PTPRD: variants seen among roughly 807,000 people sequenced by gnomAD.
PTPRD encodes the protein protein tyrosine phosphatase receptor type D, also known as receptor-type tyrosine-protein phosphatase delta.
In PTPRD, 34 loss-of-function variants were observed where a neutral mutation model predicts 214.5. The ratio of observed to expected loss-of-function variants is 0.16; its 90% CI spans 0.12 to 0.21. The LOEUF is 0.21. Among genes scored for constraint, PTPRD ranks in the 10% least tolerant of loss-of-function variants. The pLI, the probability that PTPRD is intolerant of heterozygous loss-of-function variation, is 1.00. For synonymous variants in PTPRD, 1,128 were observed against 845.7 expected (o/e 1.33, Z -5.79); for missense variants, 2,545 against 2,398.7 (o/e 1.06, Z -1.27).
intron 14 of PTPRD, among the ~76,000 whole-genome samples, chr9:8,580,364 T>C (rs964267501): frequency 3.9e-5 from 6 of 152,128 alleles, no homozygotes; most frequent in African/African-American, 7.2e-5. Flanking sequence ...CCTGAAGTAA[T>C]AGACCTAAAA....
chr9:10,090,419 C>G lies in PTPRD; in HGVS notation c.-544-56629G>C, dbSNP rs115701448. 1.8e-3 allele frequency among the ~76,000 whole-genome samples: 275 copies of G among 151,368 alleles called. 4 individuals carry two copies. Among genetic ancestry groups the G allele is most frequent in the African/African-American group, 6.5e-3 (267 of 41,372 alleles). On this transcript the variant is annotated intron_variant, in intron 3 of 45. Transcript: ENST00000381196. ...CTGCAGTGAGGGACGTATATTGATTCATGGCAATTCTTAAAGGGCAAAATC... is the reference window on the plus strand; with the variant it reads ...CTGCAGTGAGGGACGTATATTGATTGATGGCAATTCTTAAAGGGCAAAATC...
intron 5 of PTPRD, among the ~76,000 whole-genome samples, chr9:9,790,126 G>C (rs139979826): frequency 8.2e-4 from 125 of 152,210 alleles, no homozygotes; most frequent in Middle Eastern, 3.4e-3. Context: ...TGGGAATCTA[G>C]ACTGTACTAT....
At position 8,465,672 on chromosome 9, in the gene PTPRD, G is replaced by A. The variant is rs2096530918; in HGVS notation, c.3508C>T (p.Leu1170Phe). The A allele has an allele frequency of 1.9e-6, 3 of 1,600,792 alleles. No individual in the cohort carries two copies. Among genetic ancestry groups the A allele is most frequent in the African/African-American group, 1.3e-5 (1 of 74,180 alleles). ...SPDEMELDEL[L>F]KEISRKRRSI... ...CTGCGCTTCCTAGATATCTCCTTAAGCAGCTTAAGGAAAAAAGTGGGAAAC... is the reference window on the plus strand; with the variant it reads ...CTGCGCTTCCTAGATATCTCCTTAAACAGCTTAAGGAAAAAAGTGGGAAAC... Residue 1170 changes from leucine (L) to phenylalanine (F), a missense_variant, in exon 32 of 46, where the codon CTT becomes TTT. Leu to Phe is a conservative substitution (Grantham distance 22). Transcript: ENST00000381196.
intron 7 of PTPRD, among the ~76,000 whole-genome samples, chr9:9,576,251 T>G (rs557960679): frequency 5.3e-5 from 8 of 152,286 alleles, no homozygotes; most frequent in African/African-American, 1.9e-4. Flanking sequence ...GGAAGGATGA[T>G]CATATGTGAA....
intron 8 of PTPRD, among the ~76,000 whole-genome samples, chr9:9,468,547 G>C (rs2094377396): frequency 6.6e-6 from 1 of 151,820 alleles, no homozygotes; most frequent in Non-Finnish European, 1.5e-5. Flanking sequence ...CTAACTTCTT[G>C]ATTAGGACAT....
chr9:9,956,101 T>C (rs1361817046), intron 4 of PTPRD, among the ~76,000 whole-genome samples: 2 of 152,174 alleles, frequency 1.3e-5, no homozygotes, highest in African/African-American at 4.8e-5. Context: ...TTTGCTCATA[T>C]TTTAGAAATG....
chr9:9,689,108 C>G (rs2097216794), intron 7 of PTPRD, among the ~76,000 whole-genome samples: 1 of 151,696 alleles, frequency 6.6e-6, no homozygotes, highest in African/African-American at 2.4e-5. Context: ...TGTTTTTATC[C>G]TTTTCTGTTT....
At position 9,387,358 on chromosome 9, in the gene PTPRD, A is replaced by AT. The variant is rs539894269; in HGVS notation, c.-203+10090dup. The stretch of plus-strand genomic sequence containing the variant: ...AGAGTGTCTCATTTTGGTGAATGTT[A>AT]TTTTTTTTCTTTAGATTTTAATTAA... On this transcript the variant is annotated intron_variant, in intron 9 of 45. Transcript: ENST00000381196. Among the ~76,000 whole-genome samples the AT allele has an allele frequency of 2.0e-4, 30 of 151,938 alleles. 1 individual carries two copies. The highest frequency in any genetic ancestry group is 1.8e-3 in the Admixed American group (27 of 15,246).
chr9:9,455,014 A>G (rs2092787587), intron 8 of PTPRD, among the ~76,000 whole-genome samples: 2 of 151,796 alleles, frequency 1.3e-5, no homozygotes, highest in South Asian at 4.1e-4. Flanking sequence ...AAGAAAAAAC[A>G]ACCCAAGTAT....
intron 10 of PTPRD, among the ~76,000 whole-genome samples, chr9:9,092,894 AT>A (rs1308240524): frequency 1.3e-5 from 2 of 152,068 alleles, no homozygotes; most frequent in Non-Finnish European, 2.9e-5. Flanking sequence ...AAATTTTCAG[AT>A]TTTACTTAAA....
chr9:10,270,577 C>G (rs1226245022), intron 3 of PTPRD, among the ~76,000 whole-genome samples: 1 of 152,128 alleles, frequency 6.6e-6, no homozygotes, highest in Non-Finnish European at 1.5e-5. Flanking sequence ...AAATAAAAAC[C>G]TGACTTCCAT....
chr9:9,983,004 T>C (rs564705044), intron 4 of PTPRD, among the ~76,000 whole-genome samples: 7 of 152,050 alleles, frequency 4.6e-5, no homozygotes, highest in Non-Finnish European at 7.4e-5. Flanking sequence ...CAATGGAATA[T>C]TCTATATTTT....
chr9:10,025,878 C>A (rs1195035836), intron 4 of PTPRD, among the ~76,000 whole-genome samples: 1 of 152,136 alleles, frequency 6.6e-6, no homozygotes, highest in Non-Finnish European at 1.5e-5. Flanking sequence ...ACATTTCAAC[C>A]TCACCACTTG....
intron 5 of PTPRD, among the ~76,000 whole-genome samples, chr9:9,927,763 G>A (rs1334963796): frequency 6.6e-6 from 1 of 151,872 alleles, no homozygotes; most frequent in African/African-American, 2.4e-5. Context: ...TTGAAATATT[G>A]CCTCTTTCTT....
intron 11 of PTPRD, among the ~76,000 whole-genome samples, chr9:9,012,493 T>C (rs563573390): frequency 8.3e-4 from 126 of 152,202 alleles, no homozygotes; most frequent in African/African-American, 2.9e-3. Flanking sequence ...AATCCATGCA[T>C]GAAAGGGAGT....
At chr9:9,848,152 C>G (rs1326986367) in intron 5 of PTPRD, among the ~76,000 whole-genome samples, 3 of 152,120 alleles carry the variant, frequency 2.0e-5, no homozygotes, top group Non-Finnish European at 2.9e-5. Flanking sequence ...TTTCTATTTT[C>G]TGTCTGATCT....
At chr9:9,164,064 C>T (rs2099896292) in intron 10 of PTPRD, among the ~76,000 whole-genome samples, 1 of 152,036 alleles carries the variant, frequency 6.6e-6, no homozygotes, top group Non-Finnish European at 1.5e-5. Flanking sequence ...TATTATTATG[C>T]CTATTATATT....
At chr9:10,086,468 G>T (rs145406962) in intron 3 of PTPRD, among the ~76,000 whole-genome samples, 1 of 151,796 alleles carries the variant, frequency 6.6e-6, no homozygotes, top group African/African-American at 2.4e-5. Flanking sequence ...TCAGTGGTAT[G>T]AAGTGGAAAG....
intron 9 of PTPRD, among the ~76,000 whole-genome samples, chr9:9,368,210 G>A (rs954627471): frequency 5.3e-5 from 8 of 151,646 alleles, no homozygotes; most frequent in African/African-American, 1.5e-4. Flanking sequence ...TTAACCAAGT[G>A]ACCCTAGTAA....
Sources: allele counts gnomAD v4.1 joint callset (sites outside exome capture counted in the v4.1 genomes callset), GRCh38; gene constraint gnomAD v4.1.1; transcripts MANE v1.5; gene names NCBI Gene and HGNC (gene_info 2026-07-23, HGNC 2026-07-21).